Variants in ARHGAP10 observed in about 807,000 individuals in gnomAD.
ARHGAP10 encodes the protein Rho GTPase activating protein 10, also known as rho GTPase-activating protein 10.
ARHGAP10 carries 87 observed loss-of-function variants against 108.6 expected under a neutral mutation model. The ratio of observed to expected loss-of-function variants is 0.80; its 90% CI spans 0.67 to 0.96. The LOEUF is 0.96. ARHGAP10 is among the 40% of genes least tolerant of loss of function. The probability of loss-of-function intolerance (pLI) is 0.00; values close to 1 mark genes in which losing one functional copy is unlikely to be tolerated. For missense variants in ARHGAP10, 939 were observed against 954.5 expected (o/e 0.98, Z 0.21); for synonymous variants, 347 against 341.1 (o/e 1.02, Z -0.19).
Position 147,945,414 on chromosome 4 carries a change from A to C in ARHGAP10, c.1304-1203A>C, listed in dbSNP as rs191408159. ...CTTACCATTTGAAAGGATGTTTGTA[A>C]GAAACACATAATTACACGCTATTTG... On this transcript the variant is annotated intron_variant, in intron 14 of 22. Coordinates refer to ENST00000336498, the MANE Select transcript of ARHGAP10 (RefSeq NM_024605.4). Among the ~76,000 whole-genome samples, 336 of 152,334 alleles carry C rather than the reference A, an allele frequency of 2.2e-3. 1 individual carries two copies. The highest frequency in any genetic ancestry group is 7.4e-3 in the African/African-American group (307 of 41,584).
intron 1 of ARHGAP10, among the ~76,000 whole-genome samples, chr4:147,766,243 TCATGCC>T (rs1390660950): frequency 1.3e-5 from 2 of 152,080 alleles, no homozygotes; most frequent in Non-Finnish European, 2.9e-5. Flanking sequence ...CGAGCTGAGA[TCATGCC>T]ACTGCCCTCC....
intron 12 of ARHGAP10, among the ~76,000 whole-genome samples, chr4:147,912,538 C>T (rs1736787712): frequency 1.1e-5 from 1 of 94,284 alleles, no homozygotes; most frequent in Non-Finnish European, 2.0e-5. Flanking sequence ...AAAAAACAAA[C>T]AAACAAACAA....
intron 3 of ARHGAP10, among the ~76,000 whole-genome samples, chr4:147,843,558 G>A (rs940257954): frequency 2.0e-5 from 3 of 151,666 alleles, no homozygotes; most frequent in Non-Finnish European, 2.9e-5. Flanking sequence ...ACGGAGTTTC[G>A]CTGTGTTGCC....
At chr4:147,873,359 T>C (rs149984284) in intron 7 of ARHGAP10, among the ~76,000 whole-genome samples, 81 of 152,102 alleles carry the variant, frequency 5.3e-4, no homozygotes, top group African/African-American at 1.8e-3. Flanking sequence ...AATAGAAGTG[T>C]GTGTACATGT....
chr4:147,875,260 T>G, intron 8 of ARHGAP10, 110 bp downstream of exon 8: 1 of 1,218,126 alleles, frequency 8.2e-7, no homozygotes, highest in Non-Finnish European at 1.1e-6. Context: ...TCCTACCTCT[T>G]TCTCTCCCTG....
chr4:147,946,326 T>C, intron 14 of ARHGAP10: 1 of 318,368 alleles, frequency 3.1e-6, no homozygotes, highest in Non-Finnish European at 5.7e-6. Flanking sequence ...TAGCTATACA[T>C]GAATTACATT....
At chr4:147,786,538 A>G (rs748406887) in intron 1 of ARHGAP10, among the ~76,000 whole-genome samples, 5 of 152,160 alleles carry the variant, frequency 3.3e-5, no homozygotes, top group Non-Finnish European at 7.4e-5. Context: ...GCAGGAGCAA[A>G]AGGGGGGAAA....
intron 1 of ARHGAP10, among the ~76,000 whole-genome samples, chr4:147,820,045 A>G (rs2126783146): frequency 6.6e-6 from 1 of 152,276 alleles, no homozygotes; most frequent in African/African-American, 2.4e-5. Flanking sequence ...AGTAGAATGG[A>G]GAGGGCCACG....
intron 1 of ARHGAP10, among the ~76,000 whole-genome samples, chr4:147,733,074 G>T (rs1362877833): frequency 6.6e-6 from 1 of 152,116 alleles, no homozygotes; most frequent in Non-Finnish European, 1.5e-5. Context: ...GCTGAGGAGG[G>T]TTCAAAGATT....
chr4:147,751,351 AG>A (rs1161499807), intron 1 of ARHGAP10, among the ~76,000 whole-genome samples: 5 of 151,734 alleles, frequency 3.3e-5, no homozygotes, highest in African/African-American at 9.7e-5. Context: ...TTGTAGTAGG[AG>A]TAGATAATAG....
intron 1 of ARHGAP10, among the ~76,000 whole-genome samples, chr4:147,772,627 C>T (rs1004233522): frequency 6.6e-6 from 1 of 152,190 alleles, no homozygotes; most frequent in Non-Finnish European, 1.5e-5. Flanking sequence ...CCAGGGAATT[C>T]CAAACAAAAA....
At chr4:148,057,947 C>A (rs746551961) in intron 20 of ARHGAP10, among the ~76,000 whole-genome samples, 2 of 152,236 alleles carry the variant, frequency 1.3e-5, no homozygotes, top group East Asian at 1.9e-4. Context: ...TCTCCCCCAA[C>A]GCCGTGGGTT....
chr4:147,772,979 A>G (rs1173641863), intron 1 of ARHGAP10, among the ~76,000 whole-genome samples: 1 of 152,216 alleles, frequency 6.6e-6, no homozygotes, highest in African/African-American at 2.4e-5. Flanking sequence ...TTTGGAATTA[A>G]GTAGGAAAGA....
chr4:147,814,661 T>G (rs1732160346), intron 1 of ARHGAP10, among the ~76,000 whole-genome samples: 1 of 152,216 alleles, frequency 6.6e-6, no homozygotes, highest in South Asian at 2.1e-4. Context: ...CCAAAATGTT[T>G]GAATAATGCT....
At chr4:147,964,315 G>A (rs954096596) in intron 16 of ARHGAP10, among the ~76,000 whole-genome samples, 5 of 152,234 alleles carry the variant, frequency 3.3e-5, no homozygotes, top group African/African-American at 4.8e-5. Context: ...CTCAACCTGC[G>A]CACCCTGCCT....
intron 18 of ARHGAP10, among the ~76,000 whole-genome samples, chr4:147,991,501 AG>A (rs1490215823): frequency 6.6e-6 from 1 of 152,212 alleles, no homozygotes; most frequent in East Asian, 1.9e-4. Flanking sequence ...AAGAAAGCCC[AG>A]GTATTAGAGA....
intron 18 of ARHGAP10, among the ~76,000 whole-genome samples, chr4:147,973,187 A>G (rs1285733233): frequency 1.3e-5 from 2 of 152,200 alleles, no homozygotes; most frequent in African/African-American, 4.8e-5. Context: ...AGAATAAAGC[A>G]GGAGGAAAAG....
intron 1 of ARHGAP10, among the ~76,000 whole-genome samples, chr4:147,814,020 T>G (rs1732134408): frequency 6.6e-6 from 1 of 152,222 alleles, no homozygotes; most frequent in Non-Finnish European, 1.5e-5. Context: ...TTTTGGAATA[T>G]GTCTTCTATT....
chr4:147,910,016 C>CA (rs1560821748), intron 12 of ARHGAP10, among the ~76,000 whole-genome samples: 1 of 150,874 alleles, frequency 6.6e-6, no homozygotes, highest in African/African-American at 2.4e-5. Flanking sequence ...CTTTTCTTTT[C>CA]TTTTTTTTTG....
Sources: gnomAD v4.1 joint callset for allele counts (sites outside exome capture counted in the v4.1 genomes callset) on GRCh38, gnomAD v4.1.1 for gene constraint, MANE v1.5 for transcripts, NCBI Gene and HGNC (gene_info 2026-07-23, HGNC 2026-07-21) for gene names.